LRP1B: variants seen among roughly 807,000 people sequenced by gnomAD.
LRP1B encodes LDL receptor related protein 1B.
LRP1B carries 217 observed loss-of-function variants against 556.6 expected under a neutral mutation model. That is an observed-to-expected ratio of 0.39 (90% CI 0.35 to 0.44). The LOEUF is 0.44. LRP1B is among the 20% of genes least tolerant of loss of function. LRP1B has a pLI of 1.00. For missense variants in LRP1B, 5,053 were observed against 5,620.8 expected, an observed-to-expected ratio of 0.90 and a Z score of 3.23; for synonymous variants, 2,047 against 1,865.8, an observed-to-expected ratio of 1.10 and a Z score of -2.50.
At chr2:141,837,784 A>G (rs777368480) in intron 1 of LRP1B, among the ~76,000 whole-genome samples, 15 of 152,146 alleles carry the variant, frequency 9.9e-5, no homozygotes, top group Non-Finnish European at 1.6e-4. Flanking sequence ...AGATGAATAG[A>G]TATTTTTGTG....
chr2:141,565,276 T>C (rs1453206732), intron 2 of LRP1B, among the ~76,000 whole-genome samples: 1 of 152,150 alleles, frequency 6.6e-6, no homozygotes, highest in Non-Finnish European at 1.5e-5. Context: ...ATATCTACAG[T>C]GTGTTCCACA....
At chr2:141,158,810 C>T (rs191180888) in intron 7 of LRP1B, among the ~76,000 whole-genome samples, 11 of 152,202 alleles carry the variant, frequency 7.2e-5, no homozygotes, top group African/African-American at 2.6e-4. Flanking sequence ...ATTTTGAGTG[C>T]CAGCTCCTCA....
chr2:141,751,027 AC>A (rs1171934378), intron 2 of LRP1B, among the ~76,000 whole-genome samples: 1 of 151,964 alleles, frequency 6.6e-6, no homozygotes, highest in Non-Finnish European at 1.5e-5. Context: ...AAAATTTTAA[AC>A]ATTTAAGTAT....
chr2:141,095,309 T>G lies in LRP1B; in HGVS notation c.1014-33036A>C, dbSNP rs1378254082. On this transcript the variant is annotated intron_variant, in intron 7 of 90. Coordinates refer to ENST00000389484, the MANE Select transcript of LRP1B (RefSeq NM_018557.3). ...GAGGAAAAGCTTTGAGCAGATCTTA[T>G]AAGATGTCAGCCCTAAAAGTAAGCC... 4.8e-5 allele frequency among the ~76,000 whole-genome samples: 4 copies of G among 83,244 alleles called. No individual in the cohort carries two copies. The Admixed American group carries it at 4.9e-4, about 10-fold the overall frequency. The allele number at this position is 83,244 out of a possible 152,430, so 54.6% of individuals were successfully genotyped here.
chr2:141,972,850 A>G (rs891380204), intron 1 of LRP1B, among the ~76,000 whole-genome samples: 2 of 151,746 alleles, frequency 1.3e-5, no homozygotes, highest in African/African-American at 4.8e-5. Context: ...GATAGAAATA[A>G]TGCTTTTTAT....
intron 18 of LRP1B, among the ~76,000 whole-genome samples, chr2:140,978,324 G>A (rs911013627): frequency 2.6e-5 from 4 of 152,086 alleles, no homozygotes; most frequent in African/African-American, 9.7e-5. Context: ...TCTAATCATA[G>A]GCTTTGCATG....
chr2:142,112,735 T>C (rs1707046498), intron 1 of LRP1B, among the ~76,000 whole-genome samples: 1 of 152,104 alleles, frequency 6.6e-6, no homozygotes, highest in Non-Finnish European at 1.5e-5. Flanking sequence ...TCTTCTACTC[T>C]TCGAATTGGT....
Position 140,796,985 on chromosome 2 carries a change from A to C in LRP1B, c.5359+16672T>G, listed in dbSNP as rs566464973. 6.6e-5 allele frequency among the ~76,000 whole-genome samples: 10 copies of C among 152,136 alleles called. No individual in the cohort carries two copies. The South Asian group carries it at 2.1e-3, about 31-fold the overall frequency. ...TAAGTAGGACATTCTCACAAAAGTC[A>C]GGTATAAATATTATAATAATTATAT... On this transcript the variant is annotated intron_variant, in intron 32 of 90. Coordinates refer to ENST00000389484, the MANE Select transcript of LRP1B (RefSeq NM_018557.3).
At chr2:140,520,021 G>A (rs116456901) in intron 49 of LRP1B, among the ~76,000 whole-genome samples, 17,714 of 152,112 alleles carry the variant, frequency 0.12, 1,287 homozygotes, top group East Asian at 0.21. Flanking sequence ...TTTTGGGAGT[G>A]TTCAACCATT....
At chr2:141,132,070 A>G (rs1439930407) in intron 7 of LRP1B, among the ~76,000 whole-genome samples, 2 of 151,934 alleles carry the variant, frequency 1.3e-5, no homozygotes, top group Non-Finnish European at 2.9e-5. Context: ...CCCACTTATG[A>G]TTGAGAACAT....
intron 18 of LRP1B, among the ~76,000 whole-genome samples, chr2:140,967,069 G>A (rs1285941526): frequency 1.3e-5 from 2 of 152,112 alleles, no homozygotes; most frequent in South Asian, 2.1e-4. Context: ...GTTTTTTCCA[G>A]TTCTATGAAG....
chr2:142,068,453 A>T (rs977664396), intron 1 of LRP1B, among the ~76,000 whole-genome samples: 1 of 151,522 alleles, frequency 6.6e-6, no homozygotes, highest in African/African-American at 2.4e-5. Flanking sequence ...CTTTAAATAG[A>T]ATCTTTGTTA....
intron 1 of LRP1B, among the ~76,000 whole-genome samples, chr2:142,065,103 C>T (rs1705061579): frequency 1.3e-5 from 2 of 151,518 alleles, no homozygotes; most frequent in African/African-American, 2.4e-5. Flanking sequence ...AGTTTCATTA[C>T]AAATTTGACT....
At chr2:141,684,285 G>A (rs1197663363) in intron 2 of LRP1B, among the ~76,000 whole-genome samples, 1 of 152,096 alleles carries the variant, frequency 6.6e-6, no homozygotes, top group South Asian at 2.1e-4. Flanking sequence ...AAAAAAGGAT[G>A]AGTTCATGCC....
At chr2:140,543,150 G>GT (rs1331274107) in intron 43 of LRP1B, among the ~76,000 whole-genome samples, 2 of 152,040 alleles carry the variant, frequency 1.3e-5, no homozygotes, top group Non-Finnish European at 2.9e-5. Context: ...TAGCTTAACT[G>GT]TCAATAATTT....
intron 7 of LRP1B, among the ~76,000 whole-genome samples, chr2:141,097,568 A>G (rs946852418): frequency 6.6e-6 from 1 of 152,146 alleles, no homozygotes; most frequent in African/African-American, 2.4e-5. Flanking sequence ...TTTTATAGCC[A>G]TTTTCATTTA....
chr2:141,809,694 G>C (rs1696273969), intron 2 of LRP1B, among the ~76,000 whole-genome samples: 1 of 151,802 alleles, frequency 6.6e-6, no homozygotes, highest in Non-Finnish European at 1.5e-5. Flanking sequence ...TTCTGAATCT[G>C]ATATTATAAA....
intron 43 of LRP1B, among the ~76,000 whole-genome samples, chr2:140,567,802 C>T (rs1171863887): frequency 2.0e-5 from 3 of 152,170 alleles, no homozygotes; most frequent in East Asian, 1.9e-4. Flanking sequence ...ACAACATATG[C>T]TACCTCTGCT....
intron 2 of LRP1B, among the ~76,000 whole-genome samples, chr2:141,730,205 T>C (rs1447804820): frequency 1.3e-5 from 2 of 152,146 alleles, no homozygotes; most frequent in African/African-American, 2.4e-5. Flanking sequence ...GCCACCATAC[T>C]GTGCAAGAGA....
Sources: gnomAD v4.1 joint callset for allele counts (sites outside exome capture counted in the v4.1 genomes callset) on GRCh38, gnomAD v4.1.1 for gene constraint, MANE v1.5 for transcripts, NCBI Gene and HGNC (gene_info 2026-07-23, HGNC 2026-07-21) for gene names.